The following GASK1A variants were observed in gnomAD, a reference collection of about 807,000 sequenced individuals.
GASK1A encodes Golgi-associated kinase 1A.
A neutral mutation model predicts 41.2 loss-of-function variants in GASK1A; 40 were observed. That is an observed-to-expected ratio of 0.97 (90% CI 0.75 to 1.27). The LOEUF (loss-of-function observed/expected upper bound fraction) is 1.27. Ranked by LOEUF, GASK1A falls within the 50% of genes most tolerant of loss-of-function variation. GASK1A has a pLI of 0.00. For synonymous variants in GASK1A, 316 were observed against 307.1 expected (o/e 1.03, Z -0.30); for missense variants, 678 against 745.1 (o/e 0.91, Z 1.05).
Position 43,032,356 on chromosome 3 carries a change from C to T in GASK1A, c.93C>T (p.Thr31=). The T allele has an allele frequency of 6.4e-7, 1 of 1,551,468 alleles. No homozygotes were observed. The highest frequency in any genetic ancestry group is 1.7e-4 in the Middle Eastern group (1 of 5,992). The part of the protein sequence containing the change: ...LLMILSAMAV[T]RFPPQRPSAG... ...TGATCCTATCTGCGATGGCTGTCAC[C>T]CGCTTTCCCCCACAGCGTCCATCCG... The change falls in exon 2 of 5, where the codon ACC becomes ACT. Residue 31 remains threonine (T), a synonymous_variant. Transcript: ENST00000430121.
At chr3:43,036,693 G>GA (rs34104901) in intron 2 of GASK1A, among the ~76,000 whole-genome samples, 1 of 151,972 alleles carries the variant, frequency 6.6e-6, no homozygotes, top group Non-Finnish European at 1.5e-5. Context: ...AACTGAGGTG[G>GA]AAAAAAAGGA....
rs1260647230 is a variant in GASK1A at position 43,033,479 on chromosome 3, C to G, written c.1216C>G (p.Pro406Ala). 1 of 1,550,592 alleles carries G rather than the reference C, an allele frequency of 6.4e-7. No individual in the cohort carries two copies. The change falls in exon 2 of 5, where the codon CCA (proline) becomes GCA (alanine). Residue 406 changes from proline (P) to alanine (A), a missense_variant. Pro to Ala is a conservative substitution (Grantham distance 27). Transcript: ENST00000430121. ...QALLAHSCNW[P>A]GQAPCPGIHH... Reference sequence around the variant, plus strand: ...CCTGCTGGCACACAGCTGCAACTGGCCAGGCCAGGCCCCGTGCCCGGGCAT... The same window carrying G: ...CCTGCTGGCACACAGCTGCAACTGGGCAGGCCAGGCCCCGTGCCCGGGCAT...
chr3:43,034,095 G>T (rs954515765), intron 2 of GASK1A, among the ~76,000 whole-genome samples: 2 of 152,200 alleles, frequency 1.3e-5, no homozygotes, highest in African/African-American at 4.8e-5. Context: ...AGAGCTGATT[G>T]TTGAACATTT....
At chr3:43,047,576 T>C (rs568919003) in intron 2 of GASK1A, among the ~76,000 whole-genome samples, 1 of 152,286 alleles carries the variant, frequency 6.6e-6, no homozygotes, top group African/African-American at 2.4e-5. Flanking sequence ...GCTATTGGCC[T>C]CTTAATTTGG....
chr3:42,988,682 A>C (rs1363996585), intron 1 of GASK1A, among the ~76,000 whole-genome samples: 1 of 152,170 alleles, frequency 6.6e-6, no homozygotes, highest in Non-Finnish European at 1.5e-5. Flanking sequence ...CCCGGGCTGC[A>C]TGGGGCACAC....
intron 1 of GASK1A, among the ~76,000 whole-genome samples, chr3:43,031,738 C>T (rs993906539): frequency 6.6e-6 from 1 of 152,162 alleles, no homozygotes; most frequent in Non-Finnish European, 1.5e-5. Flanking sequence ...GTGGTTGGCT[C>T]TCATGACATA....
intron 2 of GASK1A, among the ~76,000 whole-genome samples, chr3:43,046,041 A>G (rs2089660849): frequency 2.0e-5 from 3 of 152,192 alleles, no homozygotes; most frequent in African/African-American, 7.2e-5. Flanking sequence ...CAGTATGAAA[A>G]TGGACTAATA....
At chr3:43,029,384 G>A (rs774989341) in intron 1 of GASK1A, among the ~76,000 whole-genome samples, 1 of 152,150 alleles carries the variant, frequency 6.6e-6, no homozygotes, top group Non-Finnish European at 1.5e-5. Context: ...TGGTGTGTGC[G>A]TCCTCTTGTG....
rs370889406 is a variant in GASK1A, at chr3:42,997,627, TCTC to T, written c.3+17986_3+17988del. Among the ~76,000 whole-genome samples the T allele has an allele frequency of 4.0e-4, 61 of 152,302 alleles. No homozygotes were observed. The South Asian group carries it at 6.4e-3, about 16-fold the overall frequency. ...AATAACAGCTGCACAATGGAGGAGT[TCTC>T]CTCTTCTTCCCCCTCATAGCTTATG... On this transcript the variant is annotated intron_variant, in intron 1 of 4. Coordinates refer to ENST00000430121, the MANE Select transcript of GASK1A (RefSeq NM_001129908.3).
At chr3:43,040,871 A>AAC (rs2089632961) in intron 2 of GASK1A, among the ~76,000 whole-genome samples, 1 of 60,448 alleles carries the variant, frequency 1.7e-5, no homozygotes, top group Non-Finnish European at 5.0e-5. Flanking sequence ...TCCCAATGCT[A>AAC]TCCCTCCCCC....
chr3:42,987,589 A>G (rs945751186), intron 1 of GASK1A, among the ~76,000 whole-genome samples: 4 of 87,502 alleles, frequency 4.6e-5, no homozygotes, highest in East Asian at 4.9e-4. Flanking sequence ...TTTTAATTCT[A>G]TAAAATCACT....
chr3:42,993,377 G>T (rs962661093), intron 1 of GASK1A, among the ~76,000 whole-genome samples: 1 of 152,270 alleles, frequency 6.6e-6, no homozygotes, highest in East Asian at 1.9e-4. Context: ...ATTCATCACT[G>T]CTTTGAAAGT....
intron 1 of GASK1A, among the ~76,000 whole-genome samples, chr3:43,017,381 G>T (rs888803327): frequency 4.7e-5 from 7 of 148,472 alleles, no homozygotes; most frequent in Non-Finnish European, 8.9e-5. Context: ...TCATAGGAAG[G>T]GGCAGTGGGA....
chr3:43,015,514 A>G (rs954869817), intron 1 of GASK1A, among the ~76,000 whole-genome samples: 2 of 150,002 alleles, frequency 1.3e-5, no homozygotes, highest in East Asian at 2.0e-4. Flanking sequence ...GTGTGAAGCC[A>G]TAGGAAGGTA....
intron 1 of GASK1A, among the ~76,000 whole-genome samples, chr3:42,986,542 C>T (rs1352248828): frequency 6.6e-6 from 1 of 152,050 alleles, no homozygotes; most frequent in African/African-American, 2.4e-5. Context: ...ATGCAAAACC[C>T]CTGGAGGCAA....
intron 2 of GASK1A, among the ~76,000 whole-genome samples, chr3:43,052,956 T>C (rs779632487): frequency 2.6e-5 from 4 of 152,206 alleles, no homozygotes; most frequent in Non-Finnish European, 5.9e-5. Context: ...GTGGGTGTCA[T>C]CTGTATGTGT....
chr3:43,040,437 G>T (rs1470346146), intron 2 of GASK1A, among the ~76,000 whole-genome samples: 1 of 152,000 alleles, frequency 6.6e-6, no homozygotes, highest in Admixed American at 6.6e-5. Flanking sequence ...CTCTTTTTTA[G>T]AATTTTCTTG....
chr3:43,010,247 T>C (rs562997734), intron 1 of GASK1A, among the ~76,000 whole-genome samples: 1 of 152,284 alleles, frequency 6.6e-6, no homozygotes, highest in African/African-American at 2.4e-5. Flanking sequence ...GAAACCACTC[T>C]GGTGAAGGAG....
chr3:43,037,077 G>A (rs1163281747), intron 2 of GASK1A: 1 of 591,574 alleles, frequency 1.7e-6, no homozygotes, highest in African/African-American at 1.8e-5. Flanking sequence ...GCTCACTCTT[G>A]GGTGCTGACC....
Sources: gnomAD v4.1 joint callset for allele counts (sites outside exome capture counted in the v4.1 genomes callset) on GRCh38, gnomAD v4.1.1 for gene constraint, MANE v1.5 for transcripts, NCBI Gene and HGNC (gene_info 2026-07-23, HGNC 2026-07-21) for gene names.